ROR1: variants seen among roughly 807,000 people sequenced by gnomAD.
ROR1 encodes inactive tyrosine-protein kinase transmembrane receptor ROR1.
Under a neutral mutation model 78.8 loss-of-function variants are expected in ROR1, and 19 were observed. The observed-to-expected ratio is 0.24, with a 90% CI of 0.17 to 0.35. ROR1 has a LOEUF of 0.35. Among genes scored for constraint, ROR1 ranks in the 10% least tolerant of loss-of-function variants. The pLI, the probability that ROR1 is intolerant of heterozygous loss-of-function variation, is 1.00. For synonymous variants in ROR1, 386 were observed against 433.6 expected (o/e 0.89, Z 1.36); for missense variants, 917 against 1,177.8 (o/e 0.78, Z 3.24).
intron 4 of ROR1, among the ~76,000 whole-genome samples, chr1:64,066,962 A>T (rs1031605599): frequency 6.6e-6 from 1 of 152,146 alleles, no homozygotes; most frequent in Non-Finnish European, 1.5e-5. Flanking sequence ...TTATAATGGA[A>T]TATCTCATAT....
At position 64,177,848 on chromosome 1, in the gene ROR1, A is replaced by G. The variant is rs1650429273; in HGVS notation, c.1807A>G (p.Met603Val). The change falls in exon 9 of 9, where the codon ATG (methionine) becomes GTG (valine). Residue 603 changes from methionine (M) to valine (V), a missense_variant. Coordinates refer to ENST00000371079, the MANE Select transcript of ROR1 (RefSeq NM_005012.4). ...LHIAIQIAAGMEYLSSHFFVH... is the reference protein window; with the variant it reads ...LHIAIQIAAGVEYLSSHFFVH... The stretch of plus-strand genomic sequence containing the variant: ...CATTGCAATTCAGATTGCAGCTGGC[A>G]TGGAATACCTGTCTAGTCACTTCTT... 1 of 1,614,100 alleles carries G rather than the reference A, an allele frequency of 6.2e-7. No homozygotes were observed. The highest frequency in any genetic ancestry group is 8.5e-7 in the Non-Finnish European group (1 of 1,180,034).
At chr1:64,103,144 G>T (rs1025177555) in intron 4 of ROR1, among the ~76,000 whole-genome samples, 2 of 152,160 alleles carry the variant, frequency 1.3e-5, no homozygotes, top group African/African-American at 4.8e-5. Context: ...CTATGGAAAA[G>T]AATTTCCTGC....
rs115391272 is a variant in ROR1 at position 63,859,080 on chromosome 1, T to A, written c.91+84572T>A. Among the ~76,000 whole-genome samples, 86 of 152,352 alleles carry A rather than the reference T, an allele frequency of 5.6e-4. 1 individual carries two copies. The highest frequency in any genetic ancestry group is 9.4e-4 in the Non-Finnish European group (64 of 68,032). ...GTGTGTGTGCTGACCCATGTCATGATGCTCAGCATGACTGGAGGAGTCCTG... is the reference window on the plus strand; with the variant it reads ...GTGTGTGTGCTGACCCATGTCATGAAGCTCAGCATGACTGGAGGAGTCCTG... On this transcript the variant is annotated intron_variant, in intron 1 of 8. Transcript: ENST00000371079.
At chr1:64,166,857 A>G (rs1180285082) in intron 8 of ROR1, among the ~76,000 whole-genome samples, 3 of 152,206 alleles carry the variant, frequency 2.0e-5, no homozygotes, top group South Asian at 2.1e-4. Context: ...TGCCCGGTAC[A>G]TAACCTCAGC....
intron 1 of ROR1, among the ~76,000 whole-genome samples, chr1:63,994,340 T>C (rs1249460542): frequency 6.6e-6 from 1 of 152,170 alleles, no homozygotes; most frequent in Non-Finnish European, 1.5e-5. Flanking sequence ...AGTAGCAATT[T>C]TTTGAATTTT....
chr1:64,138,921 G>A (rs904341661), intron 5 of ROR1, among the ~76,000 whole-genome samples: 4 of 152,076 alleles, frequency 2.6e-5, no homozygotes, highest in Non-Finnish European at 5.9e-5. Flanking sequence ...CCAGCACTTT[G>A]GGAAGCTGAG....
At chr1:63,928,000 ATGCTGGCAAC>A (rs1388958330) in intron 1 of ROR1, among the ~76,000 whole-genome samples, 1 of 144,586 alleles carries the variant, frequency 6.9e-6, no homozygotes, top group Non-Finnish European at 1.5e-5. Context: ...ATGATTTGGC[ATGCTGGCAAC>A]TGCGTGGTTT....
chr1:64,036,975 TTG>T (rs1412079554), intron 2 of ROR1, among the ~76,000 whole-genome samples: 21 of 152,194 alleles, frequency 1.4e-4, no homozygotes, highest in Admixed American at 1.3e-3. Context: ...CACACAAGTG[TTG>T]TTTGCACAAG....
intron 1 of ROR1, among the ~76,000 whole-genome samples, chr1:63,900,922 A>G (rs1471284267): frequency 3.3e-5 from 5 of 152,180 alleles, no homozygotes; most frequent in African/African-American, 1.2e-4. Flanking sequence ...GCATTCTCCT[A>G]TGCACATTAC....
chr1:63,896,619 C>T (rs1044834309), intron 1 of ROR1, among the ~76,000 whole-genome samples: 2 of 152,118 alleles, frequency 1.3e-5, no homozygotes, highest in Non-Finnish European at 1.5e-5. Flanking sequence ...GGCGAAGCAC[C>T]GGAAATGACT....
intron 1 of ROR1, among the ~76,000 whole-genome samples, chr1:63,930,896 T>A (rs1472473694): frequency 6.6e-6 from 1 of 152,200 alleles, no homozygotes; most frequent in Non-Finnish European, 1.5e-5. Flanking sequence ...GCTACACAAA[T>A]GTTAACTATC....
intron 4 of ROR1, among the ~76,000 whole-genome samples, chr1:64,087,071 A>G (rs567646692): frequency 6.6e-6 from 1 of 152,320 alleles, no homozygotes; most frequent in African/African-American, 2.4e-5. Flanking sequence ...GAATATCAAA[A>G]GACCCTATGA....
rs1416866808 is a variant in ROR1, at chr1:64,159,174, G to A, written c.1368G>A (p.Leu456=). Residue 456 remains leucine (L), a synonymous_variant, in exon 8 of 9, where the codon CTG becomes CTA. Transcript: ENST00000371079. ...VRGQNVEMSM[L]NAYKPKSKAK... ...GTCAAAATGTAGAGATGTCAATGCT[G>A]AATGCATATAAACCCAAGGTAATGT... 6.2e-7 allele frequency: 1 copy of A among 1,613,756 alleles called. No homozygotes were observed. The highest frequency in any genetic ancestry group is 8.5e-7 in the Non-Finnish European group (1 of 1,179,664).
chr1:64,050,323 C>T (rs546483620), intron 3 of ROR1, among the ~76,000 whole-genome samples: 13 of 152,292 alleles, frequency 8.5e-5, no homozygotes, highest in Non-Finnish European at 1.5e-4. Flanking sequence ...TGGCCCTTTT[C>T]CTGCCATCAA....
chr1:63,931,303 T>G (rs956926616), intron 1 of ROR1, among the ~76,000 whole-genome samples: 1 of 151,992 alleles, frequency 6.6e-6, no homozygotes, highest in Non-Finnish European at 1.5e-5. Flanking sequence ...TAAAATAAAG[T>G]AAATCACAGA....
intron 1 of ROR1, among the ~76,000 whole-genome samples, chr1:63,867,457 CA>C (rs2100354244): frequency 6.6e-6 from 1 of 152,228 alleles, no homozygotes; most frequent in Non-Finnish European, 1.5e-5. Context: ...TAGTCCCAGT[CA>C]TGTTCCTTTC....
intron 1 of ROR1, among the ~76,000 whole-genome samples, chr1:63,781,847 G>A (rs367977129): frequency 4.3e-4 from 65 of 152,304 alleles, no homozygotes; most frequent in African/African-American, 1.4e-3. Context: ...TGTTGGAAGA[G>A]TAAGTAACTG....
chr1:63,901,106 G>A (rs116344721), intron 1 of ROR1, among the ~76,000 whole-genome samples: 2,409 of 152,198 alleles, frequency 0.016, 60 homozygotes, highest in African/African-American at 0.055. Flanking sequence ...TCTGTCTCCC[G>A]GGACCTGGCC....
intron 1 of ROR1, among the ~76,000 whole-genome samples, chr1:63,992,729 G>A (rs936214821): frequency 1.3e-5 from 2 of 152,142 alleles, no homozygotes; most frequent in African/African-American, 4.8e-5. Context: ...CCAAAATGAA[G>A]ATAATAACAC....
Sources: gnomAD v4.1 joint callset for allele counts (sites outside exome capture counted in the v4.1 genomes callset) on GRCh38, gnomAD v4.1.1 for gene constraint, MANE v1.5 for transcripts, NCBI Gene and HGNC (gene_info 2026-07-23, HGNC 2026-07-21) for gene names.